Variants in PPFIA2 observed in about 807,000 individuals in gnomAD.
PPFIA2 encodes the protein liprin-alpha-2.
Under a neutral mutation model 175.5 loss-of-function variants are expected in PPFIA2, and 46 were observed. That is an observed-to-expected ratio of 0.26 (90% CI 0.21 to 0.34). The LOEUF (loss-of-function observed/expected upper bound fraction) is 0.34, where lower values mean the gene tolerates loss of function less well. PPFIA2 is among the 10% of genes least tolerant of loss of function. PPFIA2 has a pLI of 1.00. For missense variants in PPFIA2, 1,179 were observed against 1,506.1 expected (o/e 0.78, Z 3.60); for synonymous variants, 568 against 511.4 (o/e 1.11, Z -1.49).
chr12:81,514,489 C>A (rs1195582533), intron 4 of PPFIA2, among the ~76,000 whole-genome samples: 1 of 151,872 alleles, frequency 6.6e-6, no homozygotes. Flanking sequence ...TATTTTGACA[C>A]TTCTAAGAGT....
chr12:81,507,610 A>G (rs1211155025), intron 4 of PPFIA2, among the ~76,000 whole-genome samples: 1 of 152,158 alleles, frequency 6.6e-6, no homozygotes, highest in Non-Finnish European at 1.5e-5. Flanking sequence ...ATTTTTCCAA[A>G]CACATCCAGC....
chr12:81,518,395 T>G (rs1013864865), intron 4 of PPFIA2, among the ~76,000 whole-genome samples: 1 of 152,134 alleles, frequency 6.6e-6, no homozygotes, highest in Non-Finnish European at 1.5e-5. Context: ...TTCCAATGCT[T>G]TTACTCCCTC....
At chr12:81,594,533 C>T (rs564194961) in intron 4 of PPFIA2, among the ~76,000 whole-genome samples, 1 of 152,186 alleles carries the variant, frequency 6.6e-6, no homozygotes, top group Non-Finnish European at 1.5e-5. Context: ...GTGATAGTAA[C>T]ACACTGTTGT....
chr12:81,512,299 G>T, intron 4 of PPFIA2: 4 of 1,287,984 alleles, frequency 3.1e-6, no homozygotes, highest in Non-Finnish European at 4.0e-6. Context: ...GTCCTGGTCG[G>T]CCTCTGGCTC....
At chr12:81,336,815 A>G (rs1423416476) in intron 21 of PPFIA2, among the ~76,000 whole-genome samples, 1 of 151,952 alleles carries the variant, frequency 6.6e-6, no homozygotes, top group African/African-American at 2.4e-5. Context: ...TTCTAGTTCT[A>G]TTTTTACTGG....
intron 18 of PPFIA2, among the ~76,000 whole-genome samples, chr12:81,345,228 C>A (rs2058848416): frequency 6.6e-6 from 1 of 151,872 alleles, no homozygotes; most frequent in Non-Finnish European, 1.5e-5. Flanking sequence ...GCATTTTCTT[C>A]AGGTTAAAAA....
chr12:81,660,139 T>C (rs1299822701), intron 4 of PPFIA2, among the ~76,000 whole-genome samples: 1 of 152,048 alleles, frequency 6.6e-6, no homozygotes, highest in Non-Finnish European at 1.5e-5. Context: ...AAATCAGAGC[T>C]CCTTTCCTCC....
At chr12:81,353,465 T>G (rs770317847) in intron 16 of PPFIA2, 126 bp from the exon 17 acceptor site, 1 of 638,842 alleles carries the variant, frequency 1.6e-6, no homozygotes, top group African/African-American at 1.8e-5. Context: ...GAACCAATTA[T>G]TAACATTTTA....
intron 22 of PPFIA2, among the ~76,000 whole-genome samples, chr12:81,318,174 A>G (rs10862292): frequency 0.16 from 23,647 of 151,506 alleles, 2,674 homozygotes; most frequent in East Asian, 0.42. Flanking sequence ...TATTTCTACC[A>G]GTCTTTGAGG....
intron 4 of PPFIA2, among the ~76,000 whole-genome samples, chr12:81,514,113 T>A (rs960428463): frequency 6.6e-6 from 1 of 151,966 alleles, no homozygotes; most frequent in Admixed American, 6.6e-5. Context: ...TCACTAGAAC[T>A]TCCAGAATTT....
chr12:81,593,517 T>TA (rs1315129926), intron 4 of PPFIA2, among the ~76,000 whole-genome samples: 1 of 152,226 alleles, frequency 6.6e-6, no homozygotes, highest in African/African-American at 2.4e-5. Flanking sequence ...TTTTCCACCT[T>TA]ACACACATAA....
At chr12:81,721,108 G>T (rs945919923) in intron 3 of PPFIA2, among the ~76,000 whole-genome samples, 1 of 149,562 alleles carries the variant, frequency 6.7e-6, no homozygotes, top group Non-Finnish European at 1.5e-5. Context: ...CGTTTTTATT[G>T]CCTAGCTGCA....
intron 4 of PPFIA2, among the ~76,000 whole-genome samples, chr12:81,587,268 A>C (rs2075423221): frequency 6.6e-6 from 1 of 151,846 alleles, no homozygotes; most frequent in Non-Finnish European, 1.5e-5. Flanking sequence ...AGTTCCTCCT[A>C]TCCTGGTCTT....
intron 18 of PPFIA2, 141 bp from the exon 19 acceptor site, chr12:81,344,834 T>C (rs1238526663): frequency 4.9e-6 from 3 of 615,876 alleles, no homozygotes; most frequent in Non-Finnish European, 8.3e-6. Context: ...TAAACATATT[T>C]TAATTACTAT....
At chr12:81,697,596 T>C (rs1356986763) in intron 3 of PPFIA2, among the ~76,000 whole-genome samples, 1 of 152,160 alleles carries the variant, frequency 6.6e-6, no homozygotes, top group African/African-American at 2.4e-5. Flanking sequence ...TCTTTAGTAA[T>C]AACATTCGTC....
rs550188002 is a variant in PPFIA2 at position 81,277,614 on chromosome 12, GA to G, written c.3213-201del. On this transcript the variant is annotated intron_variant, in intron 27 of 32. Coordinates refer to ENST00000549396, the MANE Select transcript of PPFIA2 (RefSeq NM_003625.5). ...AAGCACAAAATGTTTCGAAGTAATA[GA>G]AAAAAAGTTTTCAAAATAAGAAAAA... 1.2e-3 allele frequency among the ~76,000 whole-genome samples: 177 copies of G among 152,038 alleles called. 1 individual carries two copies. Among genetic ancestry groups the G allele is most frequent in the Non-Finnish European group, 1.3e-3 (86 of 67,930 alleles).
chr12:81,651,770 G>A (rs1324464153), intron 4 of PPFIA2, among the ~76,000 whole-genome samples: 1 of 152,010 alleles, frequency 6.6e-6, no homozygotes, highest in Non-Finnish European at 1.5e-5. Flanking sequence ...TGATAAAATT[G>A]GAATTAAACT....
chr12:81,540,298 C>A (rs1270547277), intron 4 of PPFIA2, among the ~76,000 whole-genome samples: 1 of 151,890 alleles, frequency 6.6e-6, no homozygotes, highest in Admixed American at 6.6e-5. Flanking sequence ...TAAGACTTAG[C>A]AATTAAGAAT....
chr12:81,278,858 T>TA (rs2041315146), intron 27 of PPFIA2, among the ~76,000 whole-genome samples: 1 of 152,176 alleles, frequency 6.6e-6, no homozygotes, highest in African/African-American at 2.4e-5. Context: ...AATTTAGACA[T>TA]ACACATTGGC....
Sources: allele counts gnomAD v4.1 joint callset (sites outside exome capture counted in the v4.1 genomes callset), GRCh38; gene constraint gnomAD v4.1.1; transcripts MANE v1.5; gene names NCBI Gene and HGNC (gene_info 2026-07-23, HGNC 2026-07-21).